The following ZNF710 variants were observed in gnomAD, a reference collection of about 807,000 sequenced individuals.
The protein encoded by ZNF710 is zinc finger protein 710.
A neutral mutation model predicts 50.6 loss-of-function variants in ZNF710; 13 were observed. That is an observed-to-expected ratio of 0.26 (90% confidence interval 0.17 to 0.41). The LOEUF is 0.41. Among genes scored for constraint, ZNF710 ranks in the 10% least tolerant of loss-of-function variants. The probability of loss-of-function intolerance (pLI) is 1.00; values close to 1 mark genes in which losing one functional copy is unlikely to be tolerated. For missense variants in ZNF710, 721 were observed against 936.6 expected (o/e 0.77, Z 3.01); for synonymous variants, 383 against 397.0 (o/e 0.96, Z 0.42).
At chr15:90,072,515 G>T (rs994660707) in intron 2 of ZNF710, among the ~76,000 whole-genome samples, 17 of 152,108 alleles carry the variant, frequency 1.1e-4, no homozygotes, top group African/African-American at 2.9e-4. Context: ...TGCCATTTTT[G>T]GGGGGGTGTC....
intron 1 of ZNF710, among the ~76,000 whole-genome samples, chr15:90,061,402 G>A (rs568848830): frequency 6.6e-6 from 1 of 152,206 alleles, no homozygotes; most frequent in East Asian, 1.9e-4. Context: ...AAACTCCTGA[G>A]CTCAAGTGAT....
chr15:90,028,309 A>G (rs1457790056), intron 1 of ZNF710, among the ~76,000 whole-genome samples: 2 of 152,210 alleles, frequency 1.3e-5, no homozygotes, highest in Non-Finnish European at 2.9e-5. Flanking sequence ...AGTTCCGCAT[A>G]CAAATCCTCT....
At chr15:90,000,986 GAA>G (rs1008052330), upstream of ZNF710, among the ~76,000 whole-genome samples, 1 of 140,810 alleles carries the variant, frequency 7.1e-6, no homozygotes, top group Non-Finnish European at 1.5e-5. Flanking sequence ...GCTGAGAGGA[GAA>G]AAAAAAAAGA....
At chr15:90,018,930 G>A (rs1898531534) in intron 1 of ZNF710, among the ~76,000 whole-genome samples, 1 of 151,994 alleles carries the variant, frequency 6.6e-6, no homozygotes, top group African/African-American at 2.4e-5. Flanking sequence ...AGATTTGAAT[G>A]CCCAAGGAAT....
At chr15:90,042,240 C>G (rs892576858) in intron 1 of ZNF710, among the ~76,000 whole-genome samples, 1 of 152,066 alleles carries the variant, frequency 6.6e-6, no homozygotes, top group Admixed American at 6.6e-5. Flanking sequence ...TCTCTCCAGC[C>G]TCCTTGTTGG....
intron 1 of ZNF710, among the ~76,000 whole-genome samples, chr15:90,017,931 A>G (rs987454765): frequency 9.9e-5 from 15 of 152,050 alleles, no homozygotes; most frequent in South Asian, 6.2e-4. Context: ...GCCATGCCCT[A>G]TGGAATCTCC....
intron 1 of ZNF710, among the ~76,000 whole-genome samples, chr15:90,010,777 A>C (rs573115500): frequency 6.6e-6 from 1 of 152,076 alleles, no homozygotes; most frequent in African/African-American, 2.4e-5. Context: ...TAGAGAAAGG[A>C]TCTTGCTGTG....
At chr15:90,057,542 C>A (rs1370688732) in intron 1 of ZNF710, among the ~76,000 whole-genome samples, 1 of 151,788 alleles carries the variant, frequency 6.6e-6, no homozygotes, top group Non-Finnish European at 1.5e-5. Flanking sequence ...CTAAAAAATC[C>A]AAAAATGAGC....
At chr15:90,009,426 T>C (rs1484334284) in intron 1 of ZNF710, among the ~76,000 whole-genome samples, 3 of 152,112 alleles carry the variant, frequency 2.0e-5, no homozygotes, top group African/African-American at 7.2e-5. Context: ...ATCACAAGAC[T>C]GTAGACTTGC....
intron 1 of ZNF710, among the ~76,000 whole-genome samples, chr15:90,017,600 C>T (rs1898490423): frequency 6.6e-6 from 1 of 151,990 alleles, no homozygotes; most frequent in Admixed American, 6.6e-5. Context: ...GTCCAACATC[C>T]TGTCACTATA....
intron 1 of ZNF710, among the ~76,000 whole-genome samples, chr15:90,052,138 GC>G (rs961937007): frequency 3.9e-5 from 6 of 152,010 alleles, no homozygotes; most frequent in African/African-American, 1.5e-4. Flanking sequence ...CAATACCATG[GC>G]CCCTCCCTGG....
intron 1 of ZNF710, among the ~76,000 whole-genome samples, chr15:90,055,255 G>A (rs757308323): frequency 6.6e-6 from 1 of 152,180 alleles, no homozygotes; most frequent in Non-Finnish European, 1.5e-5. Context: ...CAGGGGGTCC[G>A]GGCAAGCTTC....
chr15:90,075,594 G>A (rs1290988781), intron 4 of ZNF710: 1 of 152,224 alleles, frequency 6.6e-6, no homozygotes, highest in African/African-American at 2.4e-5. Context: ...CAGTAACCAG[G>A]TGAGCTGACT....
In ZNF710 at chr15:90,034,428, CTGTGTGTGTGTGTGTGTGTGTGTGTG is replaced by C. The variant is rs398028304; in HGVS notation, c.-28-32660_-28-32635del. ...AGCTGTCCTTCCTGTTTCCAAATTC[CTGTGTGTGTGTGTGTGTGTGTGTGTG>C]TGTGTGTGTGTGTGTGTGTGTATTC... On this transcript the variant is annotated intron_variant, in intron 1 of 4. Coordinates refer to ENST00000268154, the MANE Select transcript of ZNF710 (RefSeq NM_198526.4). This position sits in a 1 kb window ranked among gnomAD's most constrained non-coding sequence, Gnocchi z 4.0. Among the ~76,000 whole-genome samples the C allele has an allele frequency of 1.5e-5, 2 of 136,278 alleles. No homozygotes were observed. Among genetic ancestry groups the C allele is most frequent in the East Asian group, 2.3e-4 (1 of 4,436 alleles). The allele number at this position is 136,278 out of a possible 152,430, so 89.4% of individuals were successfully genotyped here.
At chr15:90,038,871 A>G (rs1038136176) in intron 1 of ZNF710, among the ~76,000 whole-genome samples, 2 of 152,206 alleles carry the variant, frequency 1.3e-5, no homozygotes, top group Non-Finnish European at 1.5e-5. Flanking sequence ...TGTCCAGGAA[A>G]GTCCTAAGGC....
At position 90,027,915 on chromosome 15, in the gene ZNF710, C is replaced by T. The variant is rs1001297756; in HGVS notation, c.-29+26301C>T. On this transcript the variant is annotated intron_variant, in intron 1 of 4. Transcript: ENST00000268154. ...ACGATATAATTAGCAAACAAATGCC[C>T]GACCTAAAGAAAATGCCAAATGGTG... 5.3e-5 allele frequency among the ~76,000 whole-genome samples: 8 copies of T among 151,888 alleles called. No individual in the cohort carries two copies. In the South Asian group the frequency reaches 6.2e-4, roughly 12 times the overall value.
intron 1 of ZNF710, among the ~76,000 whole-genome samples, chr15:90,016,659 C>T (rs761040130): frequency 1.4e-4 from 21 of 152,134 alleles, no homozygotes; most frequent in Non-Finnish European, 2.8e-4. Flanking sequence ...AAGCTAACGG[C>T]CTCAGTGATT....
In ZNF710 at chr15:90,012,472, G is replaced by A. The variant is rs1029653822; in HGVS notation, c.-29+10858G>A. On this transcript the variant is annotated intron_variant, in intron 1 of 4. Transcript: ENST00000268154. ...TTTTTAGTAGAGACGGGGTTTCACC[G>A]TGTTAGCCAGGATAGTCTCGATCCC... 2.0e-5 allele frequency among the ~76,000 whole-genome samples: 3 copies of A among 151,868 alleles called. No individual in the cohort carries two copies. In the East Asian group the frequency reaches 5.9e-4, roughly 30 times the overall value.
In ZNF710 at chr15:90,001,972, A is replaced by G. The variant is rs1341651749; in HGVS notation, c.-29+358A>G. Among the ~76,000 whole-genome samples, 33 of 144,250 alleles carry G rather than the reference A, an allele frequency of 2.3e-4. 1 individual carries two copies. In the South Asian group the frequency reaches 6.9e-3, roughly 30 times the overall value. 94.6% of individuals were successfully genotyped at this position (144,250 alleles called of 152,430 possible). On this transcript the variant is annotated intron_variant, in intron 1 of 4. Coordinates refer to ENST00000268154, the MANE Select transcript of ZNF710 (RefSeq NM_198526.4). ...AGGGAGGAGAGCGCGCGAATGAGAGAGAGAGAGAGAGAGAGAGAGAGAGAG... is the reference window on the plus strand; with the variant it reads ...AGGGAGGAGAGCGCGCGAATGAGAGGGAGAGAGAGAGAGAGAGAGAGAGAG...
Sources: gnomAD v4.1 joint callset for allele counts (sites outside exome capture counted in the v4.1 genomes callset) on GRCh38, gnomAD v4.1.1 for gene constraint, Gnocchi (gnomAD v3.1) non-coding constraint, MANE v1.5 for transcripts, NCBI Gene and HGNC (gene_info 2026-07-23, HGNC 2026-07-21) for gene names.